The following AASDH variants were observed in gnomAD, a reference collection of about 807,000 sequenced individuals.
AASDH encodes beta-alanine-activating enzyme.
A neutral mutation model predicts 102.3 loss-of-function variants in AASDH; 81 were observed. The ratio of observed to expected loss-of-function variants is 0.79; its 90% CI spans 0.66 to 0.95. The LOEUF (loss-of-function observed/expected upper bound fraction) is 0.95. Among genes scored for constraint, AASDH ranks in the 40% least tolerant of loss-of-function variants. The pLI, the probability that AASDH is intolerant of heterozygous loss-of-function variation, is 0.00. For missense variants in AASDH, 1,203 were observed against 1,266.2 expected, an observed-to-expected ratio of 0.95 and a Z score of 0.76; for synonymous variants, 398 against 454.0, an observed-to-expected ratio of 0.88 and a Z score of 1.57.
At chr4:56,359,887 T>C (rs1347751404) in intron 5 of AASDH, among the ~76,000 whole-genome samples, 3 of 152,158 alleles carry the variant, frequency 2.0e-5, no homozygotes. Context: ...TGAGTTCTTA[T>C]GAGTCATCCC....
At chr4:56,376,842 C>T (rs547839652) in intron 4 of AASDH, among the ~76,000 whole-genome samples, 10 of 151,838 alleles carry the variant, frequency 6.6e-5, no homozygotes, top group East Asian at 3.9e-4. Flanking sequence ...CCGAGGCGGG[C>T]GGATCACGAG....
rs912483009 is a variant in AASDH at position 56,382,369 on chromosome 4, AC to A, written c.351+107del. 4.5e-6 allele frequency: 5 copies of A among 1,116,748 alleles called. No homozygotes were observed. In the African/African-American group the frequency reaches 8.0e-5, roughly 18 times the overall value. 69.2% of individuals were successfully genotyped at this position (1,116,748 alleles called of 1,614,324 possible). On this transcript the variant is annotated intron_variant, in intron 3 of 14. Transcript: ENST00000205214. Reference sequence around the variant, plus strand: ...AATGTCATAGTGCAAAGACTGAGAAACCTTGCCACATTTAGCAGACTTAGGA... The same window carrying A: ...AATGTCATAGTGCAAAGACTGAGAAACTTGCCACATTTAGCAGACTTAGGA...
rs538602847 is a variant in AASDH at position 56,362,213 on chromosome 4, T to C, written c.862-6790A>G. On this transcript the variant is annotated intron_variant, in intron 5 of 14. Coordinates refer to ENST00000205214, the MANE Select transcript of AASDH (RefSeq NM_181806.4). ...CACAGTAACTCAAGATATTCTATTC[T>C]TTTCAATTTCCAAAGCTTTAGTAGT... 9.2e-5 allele frequency among the ~76,000 whole-genome samples: 14 copies of C among 152,270 alleles called. No individual in the cohort carries two copies. In the South Asian group the frequency reaches 2.9e-3, roughly 32 times the overall value.
intron 4 of AASDH, among the ~76,000 whole-genome samples, chr4:56,374,886 CTAAT>C (rs1752174189): frequency 6.6e-6 from 1 of 152,124 alleles, no homozygotes; most frequent in Non-Finnish European, 1.5e-5. Context: ...AACAAATCAA[CTAAT>C]TTTTAACTGT....
intron 5 of AASDH, among the ~76,000 whole-genome samples, chr4:56,366,075 C>G (rs1253819349): frequency 4.6e-5 from 7 of 152,108 alleles, no homozygotes; most frequent in Non-Finnish European, 7.4e-5. Flanking sequence ...ACTACCATCA[C>G]AGAATACTAT....
At chr4:56,367,788 C>T (rs1193240412) in intron 5 of AASDH, among the ~76,000 whole-genome samples, 90 of 151,658 alleles carry the variant, frequency 5.9e-4, no homozygotes, top group East Asian at 4.1e-3. Flanking sequence ...TAGGCAATAC[C>T]ATTCAGCACA....
rs1747181571 is a variant in AASDH at position 56,338,629 on chromosome 4, G to A, written c.3070C>T (p.Pro1024Ser). Residue 1024 changes from proline (P) to serine (S), a missense_variant, in exon 15 of 15, where the codon CCG becomes TCG. Pro to Ser is a moderately conservative substitution (Grantham distance 74, BLOSUM62 -1). Transcript: ENST00000205214. ...CCATTGTAGTTATGGAAAGCAAACGGTGTTGCATAGACCCTTGAAGTAGTT... is the reference window on the plus strand; with the variant it reads ...CCATTGTAGTTATGGAAAGCAAACGATGTTGCATAGACCCTTGAAGTAGTT... Reference protein sequence around the residue: ...FETTSRVYATPFAFHNYNGSN... With the variant: ...FETTSRVYATSFAFHNYNGSN... 1.2e-6 allele frequency: 2 copies of A among 1,614,172 alleles called. No individual in the cohort carries two copies. The highest frequency in any genetic ancestry group is 1.7e-6 in the Non-Finnish European group (2 of 1,180,020).
In AASDH at chr4:56,342,840, C is replaced by T. The variant is rs773544028; in HGVS notation, c.2902G>A (p.Glu968Lys). Residue 968 changes from glutamate (E) to lysine (K), a missense_variant, in exon 14 of 15, where the codon GAA becomes AAA. Physicochemically the swap from Glu to Lys is moderately conservative, Grantham distance 56. Coordinates refer to ENST00000205214, the MANE Select transcript of AASDH (RefSeq NM_181806.4). The stretch of plus-strand genomic sequence containing the variant: ...AAAATTTCTAGTTCTATTACCTGTT[C>T]TCCAAAGTGAGTAAAGCAGAGTAAA... ...GNLLCFTHFG[E>K]QVWQFSTSGP... 1 of 1,400,512 alleles carries T rather than the reference C, an allele frequency of 7.1e-7. No individual in the cohort carries two copies. The highest frequency in any genetic ancestry group is 2.4e-5 in the Admixed American group (1 of 40,858). 86.8% of individuals were successfully genotyped at this position (1,400,512 alleles called of 1,614,324 possible).
At chr4:56,346,351 A>G (rs1001224809) in intron 11 of AASDH, among the ~76,000 whole-genome samples, 1 of 152,196 alleles carries the variant, frequency 6.6e-6, no homozygotes, top group African/African-American at 2.4e-5. Flanking sequence ...GAGATGACAA[A>G]GAGAAATGTC....
At chr4:56,358,557 T>C (rs542529473) in intron 5 of AASDH, among the ~76,000 whole-genome samples, 27 of 151,684 alleles carry the variant, frequency 1.8e-4, no homozygotes, top group Non-Finnish European at 3.5e-4. Context: ...TAAAAAATCA[T>C]AAATGGGTGT....
intron 1 of AASDH, among the ~76,000 whole-genome samples, chr4:56,386,282 G>A (rs989935829): frequency 6.6e-6 from 1 of 152,134 alleles, no homozygotes; most frequent in Admixed American, 6.5e-5. Context: ...TGAGGAATGA[G>A]TTCATTTCGC....
chr4:56,384,220 T>C lies in AASDH; in HGVS notation c.80A>G (p.Asn27Ser). 1 of 1,614,128 alleles carries C rather than the reference T, an allele frequency of 6.2e-7. No homozygotes were observed. The highest frequency in any genetic ancestry group is 8.5e-7 in the Non-Finnish European group (1 of 1,180,004). ...RVAVCFDECN[N>S]QLPVYYTYKT... ...GTAGGTGTAGTAAACTGGAAGCTGG[T>C]TGTTGCATTCATCAAAACATACAGC... Residue 27 changes from asparagine (N) to serine (S), a missense_variant, in exon 2 of 15, where the codon AAC becomes AGC. Transcript: ENST00000205214.
At chr4:56,369,959 A>G (rs1350570067) in intron 5 of AASDH, among the ~76,000 whole-genome samples, 1 of 151,282 alleles carries the variant, frequency 6.6e-6, no homozygotes. Flanking sequence ...AAAAAAAAAA[A>G]AAAACAGACA....
chr4:56,381,649 T>TCTCTCTCACA (rs3223650), intron 3 of AASDH: 6 of 142,304 alleles, frequency 4.2e-5, no homozygotes, highest in African/African-American at 1.6e-4. Context: ...TTGACACTTC[T>TCTCTCTCACA]CACACACACA....
intron 5 of AASDH, among the ~76,000 whole-genome samples, chr4:56,355,845 G>C (rs1407468170): frequency 6.6e-6 from 1 of 151,750 alleles, no homozygotes; most frequent in African/African-American, 2.4e-5. Context: ...TTGGACTCCT[G>C]GGCTCAAGCA....
intron 4 of AASDH, among the ~76,000 whole-genome samples, chr4:56,375,192 A>T (rs4865092): frequency 0.17 from 26,136 of 151,958 alleles, 2,624 homozygotes; most frequent in Admixed American, 0.31. Flanking sequence ...TAGGCTCAGC[A>T]ATCTTCCTGC....
rs79451123 is a variant in AASDH at position 56,378,290 on chromosome 4, T to C, written c.526A>G (p.Asn176Asp). The C allele has an allele frequency of 2.5e-6, 4 of 1,614,254 alleles. No individual in the cohort carries two copies. In the East Asian group the frequency reaches 8.9e-5, roughly 36 times the overall value. The change falls in exon 4 of 15, where the codon AAT (asparagine) becomes GAT (aspartate). Residue 176 changes from asparagine (N) to aspartate (D), a missense_variant. Transcript: ENST00000205214. ...KIKSISSEHV[N>D]EEKAEEHMDL... The stretch of plus-strand genomic sequence containing the variant: ...ATGTGTTCTTCTGCTTTTTCTTCAT[T>C]GACATGCTCAGAACTTATGCTTTTT...
chr4:56,346,728 C>T (rs1748369452), intron 11 of AASDH, among the ~76,000 whole-genome samples: 1 of 152,026 alleles, frequency 6.6e-6, no homozygotes, highest in Non-Finnish European at 1.5e-5. Flanking sequence ...ACAAAAGATA[C>T]ACAGAGAGCA....
rs775160418 is a variant in AASDH, at chr4:56,382,485, G to C, written c.343C>G (p.Gln115Glu). Residue 115 changes from glutamine to glutamate, a missense_variant, in exon 3 of 15, where the codon CAA becomes GAA. Physicochemically the swap from Gln to Glu is conservative, Grantham distance 29. Transcript: ENST00000205214. ...NLKYILVEKK[Q>E]INKFKSFHET... Reference sequence around the variant, plus strand: ...GAAACATCCAGACTTACATTAATTTGTTTTTTTTCAACAAGGATATACTTT... The same window carrying C: ...GAAACATCCAGACTTACATTAATTTCTTTTTTTTCAACAAGGATATACTTT... 4 of 1,562,474 alleles carry C rather than the reference G, an allele frequency of 2.6e-6. No homozygotes were observed. The highest frequency in any genetic ancestry group is 3.5e-6 in the Non-Finnish European group (4 of 1,140,144).
Sources: allele counts gnomAD v4.1 joint callset (sites outside exome capture counted in the v4.1 genomes callset), GRCh38; gene constraint gnomAD v4.1.1; transcripts MANE v1.5; gene names NCBI Gene and HGNC (gene_info 2026-07-23, HGNC 2026-07-21).